The following FGD4 variants were observed in gnomAD, a reference collection of about 807,000 sequenced individuals.
The protein encoded by FGD4 is FYVE, RhoGEF and PH domain containing 4, also known as FYVE, RhoGEF and PH domain-containing protein 4.
Under a neutral mutation model 102.0 loss-of-function variants are expected in FGD4, and 42 were observed. That is an observed-to-expected ratio of 0.41 (90% CI 0.32 to 0.53). FGD4 has a LOEUF of 0.53. FGD4 is among the 20% of genes least tolerant of loss of function. The pLI is 0.21. For missense variants in FGD4, 902 were observed against 1,078.2 expected, an observed-to-expected ratio of 0.84 and a Z score of 2.29; for synonymous variants, 380 against 375.7, an observed-to-expected ratio of 1.01 and a Z score of -0.13.
chr12:32,411,276 C>G (rs2136395835), intron 1 of FGD4, among the ~76,000 whole-genome samples: 2 of 152,056 alleles, frequency 1.3e-5, no homozygotes, highest in East Asian at 4.0e-4. Flanking sequence ...GTGGCTCAAG[C>G]CTGTAATCCC....
intron 1 of FGD4, among the ~76,000 whole-genome samples, chr12:32,480,156 G>GTTT (rs1378780662): frequency 6.8e-6 from 1 of 146,546 alleles, no homozygotes; most frequent in Non-Finnish European, 1.5e-5. Context: ...GTTTGTGGGG[G>GTTT]TTTTTTTTGT....
intron 1 of FGD4, among the ~76,000 whole-genome samples, chr12:32,453,225 AGATATATATATATTTT>A (rs1942852564): frequency 5.3e-5 from 4 of 74,884 alleles, no homozygotes; most frequent in South Asian, 9.2e-4. Context: ...TATATAATAT[AGATATATATATATTTT>A]TTTTTTTTTA....
chr12:32,515,233 G>A (rs1478455053), intron 1 of FGD4, among the ~76,000 whole-genome samples: 1 of 152,198 alleles, frequency 6.6e-6, no homozygotes, highest in East Asian at 1.9e-4. Flanking sequence ...CACTGTCCCT[G>A]CTTCTGGAAA....
chr12:32,453,209 TATATATATATAATATAG>T (rs1251618643), intron 1 of FGD4, among the ~76,000 whole-genome samples: 607 of 48,806 alleles, frequency 0.012, 6 homozygotes, highest in Non-Finnish European at 0.027. Context: ...ATTATATATA[TATATATATATAATATAG>T]ATATATATAT....
intron 1 of FGD4, among the ~76,000 whole-genome samples, chr12:32,423,362 C>T (rs965868689): frequency 3.3e-5 from 5 of 151,864 alleles, no homozygotes; most frequent in Admixed American, 2.0e-4. Context: ...GAGGCCGAGG[C>T]GGGCAGATCA....
chr12:32,526,611 G>C (rs1327055248), intron 1 of FGD4, among the ~76,000 whole-genome samples: 3 of 152,178 alleles, frequency 2.0e-5, no homozygotes, highest in African/African-American at 7.2e-5. Context: ...CAGGCTGCCC[G>C]AGCCAGCATT....
At chr12:32,471,411 G>C (rs1943411926) in intron 1 of FGD4, among the ~76,000 whole-genome samples, 1 of 152,162 alleles carries the variant, frequency 6.6e-6, no homozygotes, top group African/African-American at 2.4e-5. Context: ...AATATGTACT[G>C]TAGAAAAGCC....
At chr12:32,594,743 CA>C (rs11295495) in intron 4 of FGD4, among the ~76,000 whole-genome samples, 43,812 of 151,968 alleles carry the variant, frequency 0.29, 6,637 homozygotes, top group Middle Eastern at 0.49. Flanking sequence ...CTTAGAAAAG[CA>C]AAATAGGCCT....
At chr12:32,453,204 A>ATTT (rs1283329446) in intron 1 of FGD4, among the ~76,000 whole-genome samples, 3 of 48,636 alleles carry the variant, frequency 6.2e-5, no homozygotes, top group Admixed American at 3.0e-4. Context: ...TATATATTAT[A>ATTT]TATATATATA....
At chr12:32,468,877 A>T (rs1048653833) in intron 1 of FGD4, among the ~76,000 whole-genome samples, 9 of 152,132 alleles carry the variant, frequency 5.9e-5, no homozygotes, top group South Asian at 4.2e-4. Flanking sequence ...CCCAGGCTGG[A>T]GTGCAATGGC....
At chr12:32,627,139 G>A (rs763916987) in intron 14 of FGD4, among the ~76,000 whole-genome samples, 23 of 141,638 alleles carry the variant, frequency 1.6e-4, no homozygotes, top group African/African-American at 5.3e-4. Flanking sequence ...GAGCCACCAC[G>A]TCCGGCTAAA....
At chr12:32,596,823 T>C (rs1343803828) in intron 4 of FGD4, among the ~76,000 whole-genome samples, 1 of 151,772 alleles carries the variant, frequency 6.6e-6, no homozygotes, top group African/African-American at 2.4e-5. Flanking sequence ...TAATCTCAGC[T>C]ACTCGGGAGA....
In FGD4 at chr12:32,582,464, G is replaced by C. The variant is rs1592295526; in HGVS notation, c.1008G>C (p.Met336Ile). ...ELEQLDQHHE[M>I]KETNEQKLHK... Reference sequence around the variant, plus strand: ...AGCAGCTGGACCAGCACCATGAGATGAAGGTAGAGCATGAGACTAGCTCAT... The same window carrying C: ...AGCAGCTGGACCAGCACCATGAGATCAAGGTAGAGCATGAGACTAGCTCAT... Residue 336 changes from methionine to isoleucine, a missense_variant, in exon 4 of 17, where the codon ATG becomes ATC. By Grantham distance (10) the Met-to-Ile change is conservative. Coordinates refer to ENST00000534526, the MANE Select transcript of FGD4 (RefSeq NM_001370298.3). 1 of 1,609,562 alleles carries C rather than the reference G, an allele frequency of 6.2e-7. No homozygotes were observed.
intron 1 of FGD4, among the ~76,000 whole-genome samples, chr12:32,547,799 C>T (rs372993850): frequency 1.3e-5 from 2 of 152,264 alleles, no homozygotes; most frequent in Non-Finnish European, 2.9e-5. Flanking sequence ...CTCCGCCTCC[C>T]GGGTTCAAGC....
intron 1 of FGD4, among the ~76,000 whole-genome samples, chr12:32,420,390 T>C (rs1056614522): frequency 6.6e-6 from 1 of 152,190 alleles, no homozygotes; most frequent in Non-Finnish European, 1.5e-5. Context: ...CCCTCTGGCT[T>C]AGCCCTTGCC....
At chr12:32,400,736 GTAACCA>G (rs1313329319) in intron 1 of FGD4, among the ~76,000 whole-genome samples, 1 of 152,122 alleles carries the variant, frequency 6.6e-6, no homozygotes, top group Non-Finnish European at 1.5e-5. Context: ...CCTTTATGCG[GTAACCA>G]GAGGTGTCTG....
chr12:32,456,250 G>A (rs1168884424), intron 1 of FGD4, among the ~76,000 whole-genome samples: 1 of 152,088 alleles, frequency 6.6e-6, no homozygotes, highest in Non-Finnish European at 1.5e-5. Flanking sequence ...CACTGTAATA[G>A]TGTATACTTT....
intron 1 of FGD4, among the ~76,000 whole-genome samples, chr12:32,526,523 A>G (rs1941227650): frequency 6.6e-6 from 1 of 152,176 alleles, no homozygotes; most frequent in South Asian, 2.1e-4. Context: ...AAACGCACCA[A>G]TCAGCGCCCT....
At chr12:32,471,822 C>T (rs1943422081) in intron 1 of FGD4, among the ~76,000 whole-genome samples, 1 of 152,180 alleles carries the variant, frequency 6.6e-6, no homozygotes, top group African/African-American at 2.4e-5. Flanking sequence ...CAGTTAAGGA[C>T]TAGGCCCAGA....
Sources: allele counts gnomAD v4.1 joint callset (sites outside exome capture counted in the v4.1 genomes callset), GRCh38; gene constraint gnomAD v4.1.1; transcripts MANE v1.5; gene names NCBI Gene and HGNC (gene_info 2026-07-23, HGNC 2026-07-21).